Variants in OCA2 observed in about 807,000 individuals in gnomAD.
The protein encoded by OCA2 is P protein.
A neutral mutation model predicts 100.2 loss-of-function variants in OCA2; 77 were observed. The ratio of observed to expected loss-of-function variants is 0.77; its 90% CI spans 0.64 to 0.93. The LOEUF (loss-of-function observed/expected upper bound fraction) is 0.93, where lower values mean the gene tolerates loss of function less well. Ranked by LOEUF, OCA2 falls within the 40% of genes least tolerant of loss-of-function variation. The probability of loss-of-function intolerance (pLI) is 0.00; values close to 1 mark genes in which losing one functional copy is unlikely to be tolerated. For missense variants in OCA2, 1,062 were observed against 1,089.1 expected, an observed-to-expected ratio of 0.98 and a Z score of 0.35; for synonymous variants, 432 against 439.2, an observed-to-expected ratio of 0.98 and a Z score of 0.21.
intron 21 of OCA2, among the ~76,000 whole-genome samples, chr15:27,867,986 C>T (rs1296543246): frequency 3.3e-5 from 5 of 152,198 alleles, no homozygotes; most frequent in Admixed American, 6.5e-5. Flanking sequence ...GAATTCAAGT[C>T]GTAACCACCT....
At chr15:27,912,325 G>A (rs910506803) in intron 19 of OCA2, among the ~76,000 whole-genome samples, 2 of 152,202 alleles carry the variant, frequency 1.3e-5, no homozygotes. Context: ...TACAAGGAAT[G>A]AGAAATCTTT....
chr15:27,742,389 A>G, the OCA2 span, among the ~76,000 whole-genome samples: 7 of 152,306 alleles, frequency 4.6e-5, no homozygotes, highest in South Asian at 1.0e-3. Context: ...AGAATTTGTC[A>G]AAAGGTGGGA....
At chr15:27,868,421 A>G (rs1300282312) in intron 21 of OCA2, among the ~76,000 whole-genome samples, 1 of 152,216 alleles carries the variant, frequency 6.6e-6, no homozygotes, top group Non-Finnish European at 1.5e-5. Context: ...TTGTGACAAC[A>G]TGGATGAACG....
At chr15:27,796,658 G>C (rs1036254340) in intron 23 of OCA2, among the ~76,000 whole-genome samples, 1 of 152,244 alleles carries the variant, frequency 6.6e-6, no homozygotes, top group South Asian at 2.1e-4. Context: ...GGCTAAGCAC[G>C]GAGTCCTGCC....
intron 23 of OCA2, among the ~76,000 whole-genome samples, chr15:27,839,888 AG>A: frequency 6.6e-6 from 1 of 152,200 alleles, no homozygotes. Flanking sequence ...CAAAGAAACC[AG>A]AGGTAAGTTC....
At chr15:27,910,435 T>C (rs777175063) in intron 19 of OCA2, among the ~76,000 whole-genome samples, 5 of 152,144 alleles carry the variant, frequency 3.3e-5, no homozygotes, top group East Asian at 1.9e-4. Context: ...AATGCCTCTA[T>C]GTAGAAGGAA....
At chr15:27,921,003 T>TA (rs60106620) in intron 19 of OCA2, among the ~76,000 whole-genome samples, 13,288 of 151,694 alleles carry the variant, frequency 0.088, 1,484 homozygotes, top group East Asian at 0.58. Context: ...TAATTTTTTT[T>TA]AAAAAAAGAG....
chr15:27,943,808 G>A (rs2039736640), intron 18 of OCA2, among the ~76,000 whole-genome samples: 1 of 151,630 alleles, frequency 6.6e-6, no homozygotes, highest in South Asian at 2.1e-4. Flanking sequence ...ATCCACCTAT[G>A]ACCTGGAAGC....
At chr15:27,829,021 G>A (rs1362652583) in intron 23 of OCA2, among the ~76,000 whole-genome samples, 1 of 152,196 alleles carries the variant, frequency 6.6e-6, no homozygotes, top group Non-Finnish European at 1.5e-5. Context: ...TCGAAGCTGG[G>A]AGCAGGCCAA....
At chr15:27,963,927 A>T (rs2040484185) in intron 15 of OCA2, among the ~76,000 whole-genome samples, 1 of 152,150 alleles carries the variant, frequency 6.6e-6, no homozygotes, top group Non-Finnish European at 1.5e-5. Flanking sequence ...ATTATCAAAA[A>T]TTTGATAGCC....
At chr15:27,777,488 A>C (rs560380930) in intron 23 of OCA2, among the ~76,000 whole-genome samples, 1 of 152,326 alleles carries the variant, frequency 6.6e-6, no homozygotes, top group East Asian at 1.9e-4. Flanking sequence ...TATATGCTAA[A>C]GGCAAAAAAC....
chr15:27,851,433 G>A lies in OCA2; in HGVS notation c.2287C>T (p.Leu763=), dbSNP rs139837760. The change falls in exon 22 of 24, where the codon CTG becomes TTG. Residue 763 remains leucine, a synonymous_variant. Coordinates refer to ENST00000354638, the MANE Select transcript of OCA2 (RefSeq NM_000275.3). Reference sequence around the variant, plus strand: ...GCATACATGAGCGGCGGTGCGGGCAGGCCAACCTCAGGGTCGTGGCTCAGG... The same window carrying A: ...GCATACATGAGCGGCGGTGCGGGCAAGCCAACCTCAGGGTCGTGGCTCAGG... ...LNLSHDPEVG[L]PAPPLMYALA... is the part of the protein sequence containing the mutation. The A allele has an allele frequency of 2.9e-5, 46 of 1,613,884 alleles. No homozygotes were observed. The highest frequency in any genetic ancestry group is 3.8e-5 in the Non-Finnish European group (45 of 1,180,000).
rs61751032 is a variant in OCA2, at chr15:27,957,628, G to A, written c.1744C>T (p.Leu582=). 822 of 1,613,000 alleles carry A rather than the reference G, an allele frequency of 5.1e-4. 9 individuals carry two copies. The African/African-American group carries it at 9.7e-3, about 19-fold the overall frequency. The part of the protein sequence containing the change: ...RRLLLGKVLA[L]EHLLARRLHT... ...AGCCTCCGGGCGAGCAGGTGCTCCA[G>A]TGCCAGCACCTTCCCCAGCAGCAGG... is the stretch of plus-strand genomic sequence containing the variant. The change falls in exon 16 of 24, where the codon CTG becomes TTG. Residue 582 remains leucine, a synonymous_variant. Transcript: ENST00000354638. The surrounding 1 kb of genome is among the most constrained non-coding windows in gnomAD (Gnocchi z 4.3).
intron 15 of OCA2, among the ~76,000 whole-genome samples, chr15:27,959,613 G>A (rs2040344838): frequency 6.6e-6 from 1 of 152,190 alleles, no homozygotes; most frequent in Non-Finnish European, 1.5e-5. Context: ...ACCTCTGCGT[G>A]GTTCATCTCT....
intron 18 of OCA2, among the ~76,000 whole-genome samples, chr15:27,928,871 C>T (rs1020697953): frequency 2.0e-5 from 3 of 152,134 alleles, no homozygotes; most frequent in Non-Finnish European, 4.4e-5. Context: ...AAAAATCTCC[C>T]TTTATGGAGG....
At chr15:27,858,120 A>T (rs879492486) in intron 21 of OCA2, among the ~76,000 whole-genome samples, 3 of 152,214 alleles carry the variant, frequency 2.0e-5, no homozygotes, top group Non-Finnish European at 4.4e-5. Context: ...ATCAGAAATT[A>T]CACTAATTGT....
intron 1 of OCA2, among the ~76,000 whole-genome samples, chr15:28,097,476 G>A (rs979852491): frequency 1.3e-5 from 2 of 152,138 alleles, no homozygotes; most frequent in African/African-American, 4.8e-5. Context: ...CCCAGATCCT[G>A]CCCCCTGGCC....
chr15:27,826,396 G>C (rs2034724157), intron 23 of OCA2, among the ~76,000 whole-genome samples: 1 of 151,982 alleles, frequency 6.6e-6, no homozygotes, highest in African/African-American at 2.4e-5. Context: ...GTAGGACTAG[G>C]GTTCAAGCTT....
At chr15:27,970,242 C>T (rs1392246931) in intron 14 of OCA2, among the ~76,000 whole-genome samples, 2 of 151,806 alleles carry the variant, frequency 1.3e-5, no homozygotes, top group Non-Finnish European at 2.9e-5. Context: ...AGGTCAAAAA[C>T]GAAGACCCCT....
Sources: allele counts gnomAD v4.1 joint callset (sites outside exome capture counted in the v4.1 genomes callset), GRCh38; gene constraint gnomAD v4.1.1; non-coding constraint Gnocchi (gnomAD v3.1); transcripts MANE v1.5; gene names NCBI Gene and HGNC (gene_info 2026-07-23, HGNC 2026-07-21).